Variants in TIAM1 observed in about 807,000 individuals in gnomAD.
TIAM1 encodes TIAM Rac1 associated GEF 1.
A neutral mutation model predicts 163.5 loss-of-function variants in TIAM1; 65 were observed. The observed-to-expected ratio is 0.40, with a 90% CI of 0.33 to 0.49. The LOEUF is 0.49. Ranked by LOEUF, TIAM1 falls within the 20% of genes least tolerant of loss-of-function variation. The probability of loss-of-function intolerance (pLI) is 0.77; values close to 1 mark genes in which losing one functional copy is unlikely to be tolerated. For synonymous variants in TIAM1, 833 were observed against 810.1 expected (o/e 1.03, Z -0.48); for missense variants, 1,789 against 2,044.7 (o/e 0.87, Z 2.41).
At chr21:31,530,662 C>T (rs757643353) in intron 1 of TIAM1, among the ~76,000 whole-genome samples, 1 of 152,092 alleles carries the variant, frequency 6.6e-6, no homozygotes, top group East Asian at 1.9e-4. Context: ...GGAAGCAAGG[C>T]GCCTTCTGAT....
chr21:31,286,583 T>G (rs1163964145), intron 2 of TIAM1, among the ~76,000 whole-genome samples: 1 of 151,956 alleles, frequency 6.6e-6, no homozygotes, highest in Non-Finnish European at 1.5e-5. Context: ...TGTGGTGGCA[T>G]GCACCTGTAG....
At chr21:31,360,538 T>G (rs1249614864) in intron 2 of TIAM1, among the ~76,000 whole-genome samples, 1 of 152,076 alleles carries the variant, frequency 6.6e-6, no homozygotes. Flanking sequence ...CAGTAACTGA[T>G]CATTCTGACT....
At chr21:31,396,687 T>C (rs1217549919) in intron 2 of TIAM1, among the ~76,000 whole-genome samples, 1 of 151,526 alleles carries the variant, frequency 6.6e-6, no homozygotes, top group Non-Finnish European at 1.5e-5. Flanking sequence ...CGGTGGCTCA[T>C]GCCTGTAATG....
At chr21:31,448,477 G>A (rs7279187) in intron 2 of TIAM1, among the ~76,000 whole-genome samples, 8,792 of 152,014 alleles carry the variant, frequency 0.058, 626 homozygotes, top group African/African-American at 0.17. Context: ...GTGGTAATGC[G>A]TGCCTGTAGT....
intron 1 of TIAM1, among the ~76,000 whole-genome samples, chr21:31,488,920 A>T (rs2046363553): frequency 6.6e-6 from 1 of 152,082 alleles, no homozygotes; most frequent in Non-Finnish European, 1.5e-5. Flanking sequence ...GCTATTCATA[A>T]GTGGCAAAAT....
At chr21:31,441,202 G>C (rs1438386330) in intron 2 of TIAM1, among the ~76,000 whole-genome samples, 1 of 152,160 alleles carries the variant, frequency 6.6e-6, no homozygotes, top group Admixed American at 6.5e-5. Context: ...CCATGTGAAA[G>C]CTCACAGCAC....
chr21:31,248,910 C>G (rs1475436969), intron 5 of TIAM1, among the ~76,000 whole-genome samples: 1 of 152,106 alleles, frequency 6.6e-6, no homozygotes, highest in East Asian at 1.9e-4. Context: ...CTTCCTGTGT[C>G]ATTTACTCTC....
chr21:31,271,526 G>GGTGTTCAGCTTGTGCTCCAGT, intron 3 of TIAM1, among the ~76,000 whole-genome samples: 1 of 152,086 alleles, frequency 6.6e-6, no homozygotes, highest in South Asian at 2.1e-4. Context: ...TAGGGGTGAG[G>GGTGTTCAGCTTGTGCTCCAGT]GTGTTCAGCT....
At chr21:31,513,828 C>G (rs2047292465) in intron 1 of TIAM1, among the ~76,000 whole-genome samples, 1 of 151,820 alleles carries the variant, frequency 6.6e-6, no homozygotes. Context: ...GCCAACATAG[C>G]GAAACCCCAT....
intron 1 of TIAM1, among the ~76,000 whole-genome samples, chr21:31,341,647 T>A (rs114633482): frequency 0.013 from 1,996 of 152,236 alleles, 42 homozygotes; most frequent in African/African-American, 0.046. Context: ...AACAATTTGG[T>A]CCACTGTGTG....
At chr21:31,128,994 T>G (rs189593460) in intron 25 of TIAM1, among the ~76,000 whole-genome samples, 114 of 152,284 alleles carry the variant, frequency 7.5e-4, no homozygotes, top group African/African-American at 2.6e-3. Flanking sequence ...AGAAATTGGA[T>G]AGTAGGAACT....
At chr21:31,172,622 C>G (rs182889641) in intron 15 of TIAM1, among the ~76,000 whole-genome samples, 1 of 152,076 alleles carries the variant, frequency 6.6e-6, no homozygotes, top group Admixed American at 6.5e-5. Context: ...GAAGAGGGCT[C>G]GGTCTAGAGA....
intron 2 of TIAM1, among the ~76,000 whole-genome samples, chr21:31,308,595 T>C (rs139863438): frequency 1.4e-4 from 22 of 152,080 alleles, no homozygotes; most frequent in African/African-American, 3.4e-4. Flanking sequence ...ACCTGGCACA[T>C]TGTATGCACG....
At chr21:31,317,141 C>CA (rs996702651) in intron 2 of TIAM1, among the ~76,000 whole-genome samples, 1 of 152,222 alleles carries the variant, frequency 6.6e-6, no homozygotes, top group Non-Finnish European at 1.5e-5. Flanking sequence ...TTCTCAATTT[C>CA]AAGTGGATTG....
intron 16 of TIAM1, among the ~76,000 whole-genome samples, chr21:31,158,630 T>C (rs1014682746): frequency 2.6e-5 from 4 of 152,154 alleles, no homozygotes; most frequent in African/African-American, 7.2e-5. Context: ...GGAAACAAAT[T>C]AAAAGGATGT....
intron 10 of TIAM1, among the ~76,000 whole-genome samples, chr21:31,210,814 G>GAAAGAAAGAAA (rs147674572): frequency 1.5e-4 from 22 of 147,668 alleles, no homozygotes; most frequent in South Asian, 8.5e-4. Context: ...AAGAAAGAAA[G>GAAAGAAAGAAA]GTCACCATTC....
chr21:31,200,959 T>C (rs146259982), intron 12 of TIAM1, among the ~76,000 whole-genome samples: 61 of 152,284 alleles, frequency 4.0e-4, no homozygotes, highest in African/African-American at 1.4e-3. Context: ...AAAATACATA[T>C]ATAGCTATCT....
At chr21:31,537,179 T>A (rs556536848) in intron 1 of TIAM1, among the ~76,000 whole-genome samples, 1 of 152,208 alleles carries the variant, frequency 6.6e-6, no homozygotes, top group African/African-American at 2.4e-5. Context: ...CCCCTTCTTA[T>A]CTGATGACAA....
chr21:31,241,107 C>A (rs889115062), intron 6 of TIAM1, among the ~76,000 whole-genome samples: 1 of 152,108 alleles, frequency 6.6e-6, no homozygotes, highest in African/African-American at 2.4e-5. Context: ...TCTGCCATGA[C>A]GGTGAGGCCT....
Sources: allele counts gnomAD v4.1 joint callset (sites outside exome capture counted in the v4.1 genomes callset), GRCh38; gene constraint gnomAD v4.1.1; transcripts MANE v1.5; gene names NCBI Gene and HGNC (gene_info 2026-07-23, HGNC 2026-07-21).